The following CARMIL1 variants were observed in gnomAD, a reference collection of about 807,000 sequenced individuals.
CARMIL1 encodes the protein F-actin-uncapping protein LRRC16A.
Under a neutral mutation model 177.1 loss-of-function variants are expected in CARMIL1, and 90 were observed. The observed-to-expected ratio is 0.51, with a 90% CI of 0.43 to 0.61. CARMIL1 has a LOEUF of 0.61. Ranked by LOEUF, CARMIL1 falls within the 20% of genes least tolerant of loss-of-function variation. The pLI is 0.00. For missense variants in CARMIL1, 1,380 were observed against 1,667.0 expected, an observed-to-expected ratio of 0.83 and a Z score of 3.00; for synonymous variants, 577 against 606.2, an observed-to-expected ratio of 0.95 and a Z score of 0.71.
At chr6:25,361,357 TA>T (rs1220863027) in intron 2 of CARMIL1, among the ~76,000 whole-genome samples, 3 of 152,146 alleles carry the variant, frequency 2.0e-5, no homozygotes, top group South Asian at 4.1e-4. Context: ...CTTCTACTTC[TA>T]GGGGAAAGTC....
At position 25,403,973 on chromosome 6, in the gene CARMIL1, G is replaced by A. The variant is rs142297867; in HGVS notation, c.139-16141G>A. On this transcript the variant is annotated intron_variant, in intron 2 of 36. Coordinates refer to ENST00000329474, the MANE Select transcript of CARMIL1 (RefSeq NM_017640.6). ...CAAGGTAGGCAGTCAGTAATTATTG[G>A]TTGAAAGAATTACTCAAATATTTAA... Among the ~76,000 whole-genome samples the A allele has an allele frequency of 1.1e-3, 165 of 152,304 alleles. 1 individual carries two copies. The highest frequency in any genetic ancestry group is 3.7e-3 in the African/African-American group (153 of 41,564).
chr6:25,322,924 T>C (rs1384604812), intron 2 of CARMIL1, among the ~76,000 whole-genome samples: 2 of 152,192 alleles, frequency 1.3e-5, no homozygotes, highest in Non-Finnish European at 2.9e-5. Flanking sequence ...GGTTGCTCCA[T>C]TTAGCTTCAA....
rs118152763 is a variant in CARMIL1, at chr6:25,413,398, G to A, written c.139-6716G>A. On this transcript the variant is annotated intron_variant, in intron 2 of 36. Coordinates refer to ENST00000329474, the MANE Select transcript of CARMIL1 (RefSeq NM_017640.6). Reference sequence around the variant, plus strand: ...TTTAGAGAGCATGAATTTATGGATTGCCTGTGCTGCAGTAGGCTTTAGGCC... The same window carrying A: ...TTTAGAGAGCATGAATTTATGGATTACCTGTGCTGCAGTAGGCTTTAGGCC... 7.4e-4 allele frequency among the ~76,000 whole-genome samples: 112 copies of A among 152,316 alleles called. No individual in the cohort carries two copies. The East Asian group carries it at 0.019, about 26-fold the overall frequency.
chr6:25,465,125 T>A (rs1040382559), intron 8 of CARMIL1, among the ~76,000 whole-genome samples: 1 of 151,042 alleles, frequency 6.6e-6, no homozygotes, highest in African/African-American at 2.4e-5. Flanking sequence ...TGCTAAGCAT[T>A]GGGAATCCAT....
At chr6:25,547,250 T>G (rs1482743440) in intron 26 of CARMIL1, among the ~76,000 whole-genome samples, 6 of 152,176 alleles carry the variant, frequency 3.9e-5, no homozygotes, top group Non-Finnish European at 8.8e-5. Flanking sequence ...TTCCTCAAAT[T>G]TATCTGTTAT....
chr6:25,394,178 A>G (rs2150551412), intron 2 of CARMIL1, among the ~76,000 whole-genome samples: 1 of 152,268 alleles, frequency 6.6e-6, no homozygotes, highest in South Asian at 2.1e-4. Flanking sequence ...AAGATGCATG[A>G]TAGTTATTTT....
chr6:25,588,198 C>T (rs1258179195), intron 31 of CARMIL1, among the ~76,000 whole-genome samples: 5 of 152,132 alleles, frequency 3.3e-5, no homozygotes, highest in African/African-American at 4.8e-5. Flanking sequence ...TATCCTCAAG[C>T]GTCCTGGAAC....
intron 2 of CARMIL1, chr6:25,388,316 A>C (rs1792386240): frequency 6.6e-6 from 1 of 152,194 alleles, no homozygotes; most frequent in African/African-American, 2.4e-5. Context: ...TATTTAGCAC[A>C]CACAACAGTT....
In CARMIL1 at chr6:25,610,105, G is replaced by C; in HGVS notation, c.3903G>C (p.Leu1301=). 6.2e-7 allele frequency: 1 copy of C among 1,613,852 alleles called. No individual in the cohort carries two copies. The highest frequency in any genetic ancestry group is 8.5e-7 in the Non-Finnish European group (1 of 1,179,850). ...AAGTTGCCCTTCTTCCACCTGTCCT[G>C]AAAAAAGTTCCTTCAGACAAAGAGA... ...SPKVALLPPV[L]KKVPSDKERD... The change falls in exon 36 of 37, where the codon CTG becomes CTC. Residue 1301 remains leucine, a synonymous_variant. Transcript: ENST00000329474.
rs1473499630 is a variant in CARMIL1, at chr6:25,392,038, ATGTGTGTGTATATGCATGTGTG to A, written c.139-28066_139-28045del. On this transcript the variant is annotated intron_variant, in intron 2 of 36. Transcript: ENST00000329474. ...TTAGGCTGTTTTTTTGTGTGTATGC[ATGTGTGTGTATATGCATGTGTG>A]TGTGTGTGTGTGTGTGTGTGTGTGT... is the stretch of plus-strand genomic sequence containing the variant. 2.2e-3 allele frequency among the ~76,000 whole-genome samples: 234 copies of A among 106,832 alleles called. 1 individual carries two copies. The highest frequency in any genetic ancestry group is 6.6e-3 in the African/African-American group (212 of 31,956). The allele number at this position is 106,832 out of a possible 152,430, so 70.1% of individuals were successfully genotyped here. A position where few individuals can be genotyped will look rare whatever the true frequency, so the allele number is the denominator to read the frequency against.
intron 2 of CARMIL1, among the ~76,000 whole-genome samples, chr6:25,347,120 A>G (rs536245937): frequency 1.2e-4 from 19 of 152,334 alleles, no homozygotes; most frequent in Non-Finnish European, 2.8e-4. Context: ...GATGTCAATA[A>G]TCTCCTCTCT....
At chr6:25,286,677 A>G (rs971098514) in intron 2 of CARMIL1, among the ~76,000 whole-genome samples, 1 of 152,210 alleles carries the variant, frequency 6.6e-6, no homozygotes, top group African/African-American at 2.4e-5. Flanking sequence ...CAACTTCTCT[A>G]CAACTTAAAT....
chr6:25,581,181 C>T (rs1014138165), intron 30 of CARMIL1, 62 bp from the exon 31 acceptor site: 2 of 1,468,882 alleles, frequency 1.4e-6, no homozygotes, highest in African/African-American at 2.9e-5. Context: ...ATTTTTTATC[C>T]ATCTCTATGC....
intron 12 of CARMIL1, among the ~76,000 whole-genome samples, chr6:25,485,168 G>T (rs1802505947): frequency 2.0e-5 from 3 of 152,086 alleles, no homozygotes; most frequent in Non-Finnish European, 4.4e-5. Context: ...GGCAAGTTTG[G>T]TTCTGAGGAC....
At chr6:25,488,610 T>C in intron 13 of CARMIL1, 25 bp downstream of exon 13, 1 of 1,544,372 alleles carries the variant, frequency 6.5e-7, no homozygotes, top group Non-Finnish European at 9.0e-7. Context: ...CTTTATTCCA[T>C]CTTCGAAGAA....
At chr6:25,450,594 C>A in intron 7 of CARMIL1, 44 bp from the exon 8 acceptor site, 1 of 1,215,296 alleles carries the variant, frequency 8.2e-7, no homozygotes, top group Non-Finnish European at 1.2e-6. Context: ...CTTTCCTGGT[C>A]ATCTGCATGG....
chr6:25,415,900 C>T lies in CARMIL1; in HGVS notation c.139-4214C>T, dbSNP rs561383874. ...GGGCAGAATGAAGGCAGGGGAGGAG[C>T]GCACCAGAAGAGGGAAAGGAGATGG... is the stretch of plus-strand genomic sequence containing the variant. On this transcript the variant is annotated intron_variant, in intron 2 of 36. Coordinates refer to ENST00000329474, the MANE Select transcript of CARMIL1 (RefSeq NM_017640.6). Among the ~76,000 whole-genome samples, 33 of 150,866 alleles carry T rather than the reference C, an allele frequency of 2.2e-4. 1 individual carries two copies. The highest frequency in any genetic ancestry group is 7.3e-4 in the African/African-American group (30 of 40,958).
intron 20 of CARMIL1, among the ~76,000 whole-genome samples, chr6:25,513,565 A>G (rs1406509612): frequency 6.6e-6 from 1 of 152,216 alleles, no homozygotes; most frequent in African/African-American, 2.4e-5. Context: ...CAAATGCATA[A>G]TGATGCTTTG....
At position 25,594,530 on chromosome 6, in the gene CARMIL1, G is replaced by C; in HGVS notation, c.3119+3G>C. The C allele has an allele frequency of 2.0e-6, 3 of 1,506,630 alleles. No individual in the cohort carries two copies. Among genetic ancestry groups the C allele is most frequent in the Non-Finnish European group, 2.8e-6 (3 of 1,085,646 alleles). The allele number at this position is 1,506,630 out of a possible 1,614,324, so 93.3% of individuals were successfully genotyped here. A position where few individuals can be genotyped will look rare whatever the true frequency, so the allele number is the denominator to read the frequency against. On this transcript the variant is annotated splice_donor_region_variant and intron_variant, in intron 32 of 36. Coordinates refer to ENST00000329474, the MANE Select transcript of CARMIL1 (RefSeq NM_017640.6). ...AAGGTGACCAAAATGGATTCCAAGT[G>C]AGTTCAGAGTAATTTCACTGATAAT...
Sources: allele counts gnomAD v4.1 joint callset (sites outside exome capture counted in the v4.1 genomes callset), GRCh38; gene constraint gnomAD v4.1.1; transcripts MANE v1.5; gene names NCBI Gene and HGNC (gene_info 2026-07-23, HGNC 2026-07-21).